The following NLGN1 variants were observed in gnomAD, a reference collection of about 807,000 sequenced individuals.
NLGN1 encodes neuroligin-1.
Under a neutral mutation model 65.5 loss-of-function variants are expected in NLGN1, and 12 were observed. The observed-to-expected ratio is 0.18, with a 90% CI of 0.12 to 0.30. NLGN1 has a LOEUF of 0.30. Ranked by LOEUF, NLGN1 falls within the 10% of genes least tolerant of loss-of-function variation. NLGN1 has a pLI of 1.00. For missense variants in NLGN1, 750 were observed against 1,007.1 expected (o/e 0.74, Z 3.46); for synonymous variants, 350 against 359.5 (o/e 0.97, Z 0.30).
At chr3:173,789,255 A>G (rs1462542329) in intron 3 of NLGN1, among the ~76,000 whole-genome samples, 1 of 152,014 alleles carries the variant, frequency 6.6e-6, no homozygotes, top group African/African-American at 2.4e-5. Flanking sequence ...AAGGAAAGAA[A>G]GTTAGTTTTA....
intron 4 of NLGN1, among the ~76,000 whole-genome samples, chr3:173,835,420 G>A (rs899528760): frequency 2.6e-5 from 4 of 151,950 alleles, no homozygotes; most frequent in African/African-American, 9.7e-5. Context: ...ATTGAAATTT[G>A]CAACAGAATT....
intron 4 of NLGN1, among the ~76,000 whole-genome samples, chr3:174,190,321 T>C (rs1403114800): frequency 6.6e-6 from 1 of 152,000 alleles, no homozygotes; most frequent in African/African-American, 2.4e-5. Context: ...GTTGATGAGC[T>C]GACACCCATT....
intron 4 of NLGN1, among the ~76,000 whole-genome samples, chr3:173,941,606 G>A (rs1267729944): frequency 6.6e-6 from 1 of 151,904 alleles, no homozygotes; most frequent in Non-Finnish European, 1.5e-5. Context: ...ATAAACAAAA[G>A]CAAAGACTTT....
chr3:173,718,830 A>G (rs533885903), intron 3 of NLGN1, among the ~76,000 whole-genome samples: 120 of 152,284 alleles, frequency 7.9e-4, no homozygotes, highest in African/African-American at 2.8e-3. Context: ...AAATGTTTAT[A>G]AACATACCAG....
intron 4 of NLGN1, among the ~76,000 whole-genome samples, chr3:173,940,254 A>T (rs1001506487): frequency 6.6e-6 from 1 of 151,684 alleles, no homozygotes; most frequent in Non-Finnish European, 1.5e-5. Flanking sequence ...ACGCCCAGCT[A>T]ATTTTTGTAT....
At chr3:173,683,951 C>G (rs561427519) in intron 3 of NLGN1, among the ~76,000 whole-genome samples, 1 of 152,062 alleles carries the variant, frequency 6.6e-6, no homozygotes, top group East Asian at 1.9e-4. Flanking sequence ...GATTCCAAAG[C>G]CAAAGCTATC....
chr3:173,715,676 G>C (rs374432247), intron 3 of NLGN1, among the ~76,000 whole-genome samples: 1 of 151,974 alleles, frequency 6.6e-6, no homozygotes, highest in East Asian at 1.9e-4. Context: ...TCACAATGCT[G>C]GGAAAATTAA....
chr3:173,843,740 A>G (rs989708656), intron 4 of NLGN1, among the ~76,000 whole-genome samples: 1 of 152,108 alleles, frequency 6.6e-6, no homozygotes, highest in South Asian at 2.1e-4. Context: ...GCCATTCAAC[A>G]AGTCTCTAGG....
rs116402650 is a variant in NLGN1 at position 174,042,725 on chromosome 3, A to G, written c.647-232590A>G. Among the ~76,000 whole-genome samples the G allele has an allele frequency of 6.3e-3, 964 of 152,318 alleles. 24 individuals are homozygous for G. The highest frequency in any genetic ancestry group is 0.038 in the East Asian group (199 of 5,170). On this transcript the variant is annotated intron_variant, in intron 4 of 6. Coordinates refer to ENST00000457714, the Ensembl canonical transcript of NLGN1. ...TATTAAATAAACTTTTTTAAAAATA[A>G]ACATTTTTATGATGTCCACTTAAAG...
intron 2 of NLGN1, among the ~76,000 whole-genome samples, chr3:173,448,741 CCTGT>C (rs1720881799): frequency 6.6e-6 from 1 of 152,034 alleles, no homozygotes; most frequent in South Asian, 2.1e-4. Flanking sequence ...AATTTCAGAG[CCTGT>C]TATTGGTCTA....
chr3:173,725,992 T>A (rs1771698710), intron 3 of NLGN1, among the ~76,000 whole-genome samples: 1 of 152,036 alleles, frequency 6.6e-6, no homozygotes, highest in Non-Finnish European at 1.5e-5. Flanking sequence ...TCTCTTAAGC[T>A]CCAGTATGCC....
At chr3:173,873,237 T>C (rs1172377992) in intron 4 of NLGN1, among the ~76,000 whole-genome samples, 1 of 151,826 alleles carries the variant, frequency 6.6e-6, no homozygotes, top group Non-Finnish European at 1.5e-5. Context: ...TACAGGTGCA[T>C]GCCACCACAT....
chr3:174,066,991 T>A (rs1738752029), intron 4 of NLGN1, among the ~76,000 whole-genome samples: 1 of 152,208 alleles, frequency 6.6e-6, no homozygotes, highest in African/African-American at 2.4e-5. Context: ...CTTGACATAC[T>A]TAATTTCAAA....
At chr3:174,234,637 T>C (rs982522505) in intron 4 of NLGN1, among the ~76,000 whole-genome samples, 1 of 152,184 alleles carries the variant, frequency 6.6e-6, no homozygotes, top group African/African-American at 2.4e-5. Flanking sequence ...TGGAGCTGGC[T>C]GCAAGCAATT....
At chr3:173,682,185 A>G (rs1426711721) in intron 3 of NLGN1, among the ~76,000 whole-genome samples, 1 of 152,200 alleles carries the variant, frequency 6.6e-6, no homozygotes, top group African/African-American at 2.4e-5. Flanking sequence ...GAAAGAGTTT[A>G]TGTACAACAC....
At chr3:173,411,324 G>C (rs1233694687) in intron 1 of NLGN1, among the ~76,000 whole-genome samples, 1 of 152,184 alleles carries the variant, frequency 6.6e-6, no homozygotes, top group African/African-American at 2.4e-5. Flanking sequence ...GGTCATCAGA[G>C]AGAACTATGG....
rs779801663 is a variant in NLGN1, at chr3:173,626,814, G to GATT, written c.493+21729_493+21731dup. Among the ~76,000 whole-genome samples, 8 of 152,126 alleles carry GATT rather than the reference G, an allele frequency of 5.3e-5. No individual in the cohort carries two copies. The East Asian group carries it at 9.7e-4, about 18-fold the overall frequency. ...CCTTTTCTTCGGGAGATTTAAAATA[G>GATT]ATTATTATAACTGGTGACTTTTCAA... On this transcript the variant is annotated intron_variant, in intron 3 of 6. Transcript: ENST00000457714.
chr3:174,188,478 TAC>T (rs1165977050), intron 4 of NLGN1, among the ~76,000 whole-genome samples: 2 of 152,008 alleles, frequency 1.3e-5, no homozygotes, highest in Non-Finnish European at 2.9e-5. Flanking sequence ...ACAATAATCC[TAC>T]TTAACAGGAA....
At chr3:174,233,628 G>A (rs73882729) in intron 4 of NLGN1, among the ~76,000 whole-genome samples, 16,746 of 152,086 alleles carry the variant, frequency 0.11, 1,627 homozygotes, top group African/African-American at 0.26. Flanking sequence ...ACTAGGGACA[G>A]TCATCAATAA....
Sources: allele counts gnomAD v4.1 joint callset (sites outside exome capture counted in the v4.1 genomes callset), GRCh38; gene constraint gnomAD v4.1.1; transcripts MANE v1.5; gene names NCBI Gene and HGNC (gene_info 2026-07-23, HGNC 2026-07-21).